HERC2: variants seen among roughly 807,000 people sequenced by gnomAD.
The protein encoded by HERC2 is HECT and RLD domain containing E3 ubiquitin protein ligase 2.
A neutral mutation model predicts 537.7 loss-of-function variants in HERC2; 102 were observed. The ratio of observed to expected loss-of-function variants is 0.19; its 90% CI spans 0.16 to 0.22. The LOEUF is 0.22. Ranked by LOEUF, HERC2 falls within the 10% of genes least tolerant of loss-of-function variation. HERC2 has a pLI of 1.00. For synonymous variants in HERC2, 2,224 were observed against 2,466.2 expected (o/e 0.90, Z 2.91); for missense variants, 4,236 against 6,198.2 (o/e 0.68, Z 10.63).
At chr15:28,114,900 G>T in intron 89 of HERC2, 98 bp from the exon 90 acceptor site, 1 of 1,026,874 alleles carries the variant, frequency 9.7e-7, no homozygotes, top group Non-Finnish European at 1.5e-6. Context: ...AGGAACCAGG[G>T]TCAGCCTCAA....
chr15:28,196,828 A>G (rs1384087667), intron 50 of HERC2, among the ~76,000 whole-genome samples: 10 of 152,248 alleles, frequency 6.6e-5, no homozygotes, highest in Non-Finnish European at 1.5e-4. Flanking sequence ...TAATGAGCAC[A>G]TGGAGGTTCA....
At chr15:28,165,080 G>A (rs1024421958) in intron 68 of HERC2, among the ~76,000 whole-genome samples, 1 of 152,242 alleles carries the variant, frequency 6.6e-6, no homozygotes, top group Non-Finnish European at 1.5e-5. Context: ...GGTGTGGGGA[G>A]CGCCTCAGCG....
intron 83 of HERC2, among the ~76,000 whole-genome samples, chr15:28,129,278 G>T (rs546515763): frequency 3.6e-4 from 55 of 152,246 alleles, no homozygotes; most frequent in African/African-American, 1.3e-3. Flanking sequence ...GCAAAGCAGT[G>T]GGGGAACCAG....
Position 28,233,232 on chromosome 15 carries a change from A to G in HERC2, c.4589T>C (p.Ile1530Thr), listed in dbSNP as rs765565103. The G allele has an allele frequency of 6.2e-7, 1 of 1,604,766 alleles. No individual in the cohort carries two copies. The highest frequency in any genetic ancestry group is 8.5e-7 in the Non-Finnish European group (1 of 1,173,718). ...ACTTAACAATTTAAACTTAGACATT[A>G]TAGAGAGGTCATTACAAACAGCAGG... ...LRPAVCNDLS[I>T]MSKFKLLSSL... Residue 1530 changes from isoleucine (I) to threonine (T), a missense_variant, in exon 30 of 93, where the codon ATA (isoleucine) becomes ACA (threonine). This residue lies in a region of HERC2 where 343 missense variants were observed against 417.2 expected (regional missense o/e 0.82). Transcript: ENST00000261609.
At chr15:28,162,964 A>T (rs1034728990) in intron 69 of HERC2, 130 bp downstream of exon 69, 29 of 751,296 alleles carry the variant, frequency 3.9e-5, no homozygotes, top group Admixed American at 1.2e-4. Context: ...GAGTGCTCCT[A>T]ACCTGCAGTC....
In HERC2 at chr15:28,154,323, G is replaced by A. The variant is rs563070941; in HGVS notation, c.10747-1493C>T. On this transcript the variant is annotated intron_variant, in intron 69 of 92. Coordinates refer to ENST00000261609, the MANE Select transcript of HERC2 (RefSeq NM_004667.6). Reference sequence around the variant, plus strand: ...ACAAACTAATATCATTGTCACATAGGCATGATTTTAAATCTAAATTTGTCT... The same window carrying A: ...ACAAACTAATATCATTGTCACATAGACATGATTTTAAATCTAAATTTGTCT... Among the ~76,000 whole-genome samples the A allele has an allele frequency of 2.0e-5, 3 of 152,154 alleles. No homozygotes were observed. In the South Asian group the frequency reaches 6.2e-4, roughly 32 times the overall value.
At chr15:28,218,192 G>A (rs1486146604) in intron 38 of HERC2, among the ~76,000 whole-genome samples, 2 of 151,590 alleles carry the variant, frequency 1.3e-5, no homozygotes, top group Non-Finnish European at 2.9e-5. Context: ...CAGAGATAGG[G>A]GTGACACCTC....
intron 56 of HERC2, among the ~76,000 whole-genome samples, chr15:28,183,961 G>A (rs928234153): frequency 6.6e-6 from 1 of 152,132 alleles, no homozygotes; most frequent in African/African-American, 2.4e-5. Context: ...GCCAAGGTGG[G>A]CAGATTCCTT....
intron 57 of HERC2, among the ~76,000 whole-genome samples, chr15:28,179,604 T>A (rs1230277394): frequency 1.3e-5 from 2 of 152,232 alleles, no homozygotes; most frequent in Non-Finnish European, 2.9e-5. Context: ...TTTTAGAGTG[T>A]ATTCCTTCTA....
At chr15:28,124,779 AG>A (rs1889294191) in intron 84 of HERC2, among the ~76,000 whole-genome samples, 1 of 152,224 alleles carries the variant, frequency 6.6e-6, no homozygotes, top group Non-Finnish European at 1.5e-5. Context: ...TGAACTCCTG[AG>A]TTCAAGCAAT....
At chr15:28,254,252 C>T (rs1596329334) in intron 20 of HERC2, 88 bp downstream of exon 20, 12 of 922,618 alleles carry the variant, frequency 1.3e-5, no homozygotes, top group East Asian at 8.3e-5. Context: ...CATAGCACTC[C>T]GGCCTGGGCA....
At position 28,111,152 on chromosome 15, in the gene HERC2, G is replaced by C. The variant is rs1429512483; in HGVS notation, c.*611C>G. 2 of 152,534 alleles carry C rather than the reference G, an allele frequency of 1.3e-5. No homozygotes were observed. Among genetic ancestry groups the C allele is most frequent in the Admixed American group, 1.3e-4 (2 of 15,290 alleles). The allele number at this position is 152,534 out of a possible 1,614,324, so 9.4% of individuals were successfully genotyped here. ...GAAGTTATGATGCTGTTCACAGAAA[G>C]GCCTCAATTCAGATGACATAATGCA... On this transcript the variant is annotated 3_prime_UTR_variant, in exon 93 of 93. Transcript: ENST00000261609.
intron 2 of HERC2, chr15:28,315,620 C>T: frequency 1.9e-6 from 1 of 532,398 alleles, no homozygotes; most frequent in East Asian, 3.3e-5. Flanking sequence ...TGGTGAAACC[C>T]CATCTCTACT....
chr15:28,297,004 G>A (rs1421036763), intron 3 of HERC2, among the ~76,000 whole-genome samples: 2 of 152,224 alleles, frequency 1.3e-5, no homozygotes, highest in East Asian at 1.9e-4. Context: ...ACTTGCTTGC[G>A]GGCATACGCA....
Position 28,280,267 on chromosome 15 carries a change from A to T in HERC2, c.343T>A (p.Cys115Ser). The T allele has an allele frequency of 6.2e-7, 1 of 1,612,386 alleles. No individual in the cohort carries two copies. Among genetic ancestry groups the T allele is most frequent in the Non-Finnish European group, 8.5e-7 (1 of 1,179,414 alleles). Residue 115 changes from cysteine to serine, a missense_variant, in exon 5 of 93, where the codon TGT becomes AGT. Around this residue, in one of 27 missense-constraint regions of HERC2, gnomAD observed 491 missense variants for 559.3 expected, o/e 0.88. Coordinates refer to ENST00000261609, the MANE Select transcript of HERC2 (RefSeq NM_004667.6). ...KQPDVNELKE[C>S]LSVLVKEQQA... is the part of the protein sequence containing the mutation. ...TGCTCTTTAACCAGCACAGAAAGAC[A>T]CTCCTTCAGTTCATTCACATCTAGA...
At chr15:28,120,893 C>A (rs892794365) in intron 86 of HERC2, among the ~76,000 whole-genome samples, 2 of 152,194 alleles carry the variant, frequency 1.3e-5, no homozygotes, top group Non-Finnish European at 2.9e-5. Flanking sequence ...CACACCCCTG[C>A]AAGAGAGGAG....
intron 79 of HERC2, among the ~76,000 whole-genome samples, chr15:28,135,230 A>T (rs1460342881): frequency 7.2e-5 from 11 of 152,190 alleles, no homozygotes; most frequent in Non-Finnish European, 1.6e-4. Context: ...ACAAAAAAAC[A>T]CTTACTTAGT....
rs988689385 is a variant in HERC2 at position 28,177,358 on chromosome 15, C to G, written c.9254+61G>C. On this transcript the variant is annotated intron_variant, in intron 60 of 92. Transcript: ENST00000261609. The surrounding 1 kb of genome is among the most constrained non-coding windows in gnomAD (Gnocchi z 5.0). ...TTCTAATTTTCTGCAAAATAATTCT[C>G]AAGAGTATCAGTCAGAAACAGTTTC... The G allele has an allele frequency of 3.3e-6, 5 of 1,499,336 alleles. No individual in the cohort carries two copies. In the African/African-American group the frequency reaches 4.1e-5, roughly 12 times the overall value. The allele number at this position is 1,499,336 out of a possible 1,614,324, so 92.9% of individuals were successfully genotyped here. A position where few individuals can be genotyped will look rare whatever the true frequency, so the allele number is the denominator to read the frequency against.
intron 69 of HERC2, among the ~76,000 whole-genome samples, chr15:28,159,117 G>A (rs1893312924): frequency 1.3e-5 from 2 of 152,186 alleles, no homozygotes; most frequent in Admixed American, 1.3e-4. Context: ...CTGTTAGTCT[G>A]ATGGGCTTCC....
Sources: allele counts gnomAD v4.1 joint callset (sites outside exome capture counted in the v4.1 genomes callset), GRCh38; gene constraint gnomAD v4.1.1; regional missense constraint gnomAD v4.1.1; non-coding constraint Gnocchi (gnomAD v3.1); transcripts MANE v1.5; gene names NCBI Gene and HGNC (gene_info 2026-07-23, HGNC 2026-07-21).